DNAH3: variants seen among roughly 807,000 people sequenced by gnomAD.
The protein encoded by DNAH3 is dynein axonemal heavy chain 3.
Under a neutral mutation model 432.5 loss-of-function variants are expected in DNAH3, and 332 were observed. The ratio of observed to expected loss-of-function variants is 0.77; its 90% CI spans 0.70 to 0.84. The LOEUF (loss-of-function observed/expected upper bound fraction) is 0.84. DNAH3 is among the 40% of genes least tolerant of loss of function. The pLI is 0.00. For synonymous variants in DNAH3, 1,956 were observed against 1,900.2 expected, an observed-to-expected ratio of 1.03 and a Z score of -0.76; for missense variants, 4,861 against 5,114.0, an observed-to-expected ratio of 0.95 and a Z score of 1.51.
intron 16 of DNAH3, among the ~76,000 whole-genome samples, chr16:21,099,547 G>C (rs1026668519): frequency 2.7e-4 from 41 of 152,164 alleles, no homozygotes; most frequent in African/African-American, 9.4e-4. Context: ...ATAATATAGT[G>C]TGAAGTGGAC....
chr16:21,113,297 A>C (rs1012541334), intron 12 of DNAH3, among the ~76,000 whole-genome samples: 3 of 152,160 alleles, frequency 2.0e-5, no homozygotes, highest in African/African-American at 7.2e-5. Flanking sequence ...GTAGTGAATA[A>C]GTCTGGTGAG....
In DNAH3 at chr16:21,019,643, G is replaced by A. The variant is rs148237228; in HGVS notation, c.6003C>T (p.Asn2001=). ...AATTACCTCTTTCTGGAAAGATGTT[G>A]TTTTTGGTGAGTTTGACGCTTTTGG... Residue 2001 remains asparagine, a synonymous_variant, in exon 41 of 62, where the codon AAC becomes AAT. Transcript: ENST00000261383. 8.2e-3 allele frequency: 13,168 copies of A among 1,614,060 alleles called. 79 individuals carry two copies. The highest frequency in any genetic ancestry group is 0.016 in the Middle Eastern group (99 of 6,062).
chr16:21,146,011 A>C, exon 2 of DNAH3: 2 of 1,613,318 alleles, frequency 1.2e-6, no homozygotes, highest in Non-Finnish European at 1.7e-6. Flanking sequence ...GTTCCTCATT[A>C]GCAGAAGCAG....
rs756864663 is a variant in DNAH3, at chr16:21,027,052, GC to G, written c.5514del (p.Glu1838AspfsTer8). On this transcript the variant is annotated frameshift_variant, in exon 38 of 62. Transcript: ENST00000261383. LOFTEE classifies it high-confidence loss of function. ...CTGCTCACAGTGGCTGGAGAGGCTT[GC>G]TCGAGGTCGGCGGGCTCGAAGATCA... is the stretch of plus-strand genomic sequence containing the variant. 1.1e-5 allele frequency: 18 copies of G among 1,610,178 alleles called. No individual in the cohort carries two copies. In the Admixed American group the frequency reaches 1.2e-4, roughly 11 times the overall value.
intron 11 of DNAH3, chr16:21,120,658 A>T: frequency 9.3e-7 from 1 of 1,077,126 alleles, no homozygotes; most frequent in Non-Finnish European, 1.4e-6. Context: ...ATTGGTATTC[A>T]CATAGGCCTT....
chr16:21,091,634 G>A (rs937987618), intron 18 of DNAH3, among the ~76,000 whole-genome samples: 1 of 152,020 alleles, frequency 6.6e-6, no homozygotes, highest in Non-Finnish European at 1.5e-5. Context: ...TGACCAACAT[G>A]GTGAAACCCT....
chr16:21,144,400 C>A (rs1472034784), intron 3 of DNAH3, among the ~76,000 whole-genome samples: 1 of 152,174 alleles, frequency 6.6e-6, no homozygotes, highest in Non-Finnish European at 1.5e-5. Flanking sequence ...AAGGGAGAGA[C>A]CCGTGTGGCA....
chr16:21,060,548 C>G (rs864520), intron 25 of DNAH3, among the ~76,000 whole-genome samples, 192 bp from the exon 26 acceptor site: 27,065 of 118,538 alleles, frequency 0.23, 3,042 homozygotes, highest in East Asian at 0.48. Context: ...TTTTTTGATA[C>G]AGAGTCTCGC....
intron 12 of DNAH3, among the ~76,000 whole-genome samples, chr16:21,113,544 C>T (rs1372813256): frequency 1.3e-5 from 2 of 152,156 alleles, no homozygotes; most frequent in African/African-American, 4.8e-5. Flanking sequence ...CTGCAATCTC[C>T]TCCTCCCAGC....
At chr16:21,005,868 G>A (rs949412646) in intron 41 of DNAH3, among the ~76,000 whole-genome samples, 1 of 127,196 alleles carries the variant, frequency 7.9e-6, no homozygotes, top group Non-Finnish European at 1.6e-5. Context: ...ATTTTAAATT[G>A]CTGTGCAGAA....
At chr16:21,115,238 G>A (rs1393398141) in intron 12 of DNAH3, among the ~76,000 whole-genome samples, 1 of 152,000 alleles carries the variant, frequency 6.6e-6, no homozygotes, top group Non-Finnish European at 1.5e-5. Flanking sequence ...ACCGGGGCCT[G>A]TCATGGGGTT....
chr16:20,959,472 TCAA>T (rs1415630807), intron 53 of DNAH3, 68 bp from the exon 54 acceptor site: 13 of 1,488,112 alleles, frequency 8.7e-6, no homozygotes, highest in Non-Finnish European at 1.1e-5. Context: ...AACAGCTATA[TCAA>T]CAATAACAAC....
chr16:21,035,739 G>A (rs2089136063), intron 35 of DNAH3, among the ~76,000 whole-genome samples: 2 of 152,036 alleles, frequency 1.3e-5, no homozygotes, highest in African/African-American at 4.8e-5. Context: ...TCATAAATTG[G>A]GGTTCAAAAT....
chr16:21,091,083 G>C (rs1255088602), intron 18 of DNAH3, among the ~76,000 whole-genome samples: 4 of 152,062 alleles, frequency 2.6e-5, no homozygotes, highest in African/African-American at 9.7e-5. Flanking sequence ...AACCTAGGAG[G>C]CAGAGATTGC....
At chr16:21,025,729 T>C (rs750131554) in intron 38 of DNAH3, among the ~76,000 whole-genome samples, 2 of 151,958 alleles carry the variant, frequency 1.3e-5, no homozygotes, top group African/African-American at 4.8e-5. Context: ...CTTTTGTTGT[T>C]GTTGTTGTTG....
chr16:20,944,251 G>A (rs996222506), intron 58 of DNAH3, among the ~76,000 whole-genome samples: 3 of 152,130 alleles, frequency 2.0e-5, no homozygotes, highest in Non-Finnish European at 4.4e-5. Context: ...TAGGTGATAG[G>A]TGGATATAGC....
chr16:20,951,186 G>A (rs1193386189), intron 56 of DNAH3, among the ~76,000 whole-genome samples: 2 of 152,060 alleles, frequency 1.3e-5, no homozygotes, highest in Non-Finnish European at 2.9e-5. Flanking sequence ...ATAAAAGGTT[G>A]CTGATTGATT....
At chr16:21,018,894 C>CA (rs78615877) in intron 41 of DNAH3, among the ~76,000 whole-genome samples, 34,479 of 147,936 alleles carry the variant, frequency 0.23, 4,152 homozygotes, top group South Asian at 0.32. Context: ...CACTCTATCT[C>CA]AAAAAAAAAA....
chr16:20,987,265 A>T lies in DNAH3; in HGVS notation c.7026+40T>A, dbSNP rs2152672865. 2.5e-6 allele frequency: 4 copies of T among 1,610,120 alleles called. 1 individual carries two copies. In the East Asian group the frequency reaches 6.7e-5, roughly 27 times the overall value. On this transcript the variant is annotated intron_variant, in intron 47 of 61. Coordinates refer to ENST00000261383, the Ensembl canonical transcript of DNAH3. ...GAAAGTAACGTGGTTAAACACTTGG[A>T]ACCATTTCTGAGGTCAAATGATCAC...
Sources: gnomAD v4.1 joint callset for allele counts (sites outside exome capture counted in the v4.1 genomes callset) on GRCh38, gnomAD v4.1.1 for gene constraint, MANE v1.5 for transcripts, NCBI Gene and HGNC (gene_info 2026-07-23, HGNC 2026-07-21) for gene names.